SIDT1: variants seen among roughly 807,000 people sequenced by gnomAD.
The protein encoded by SIDT1 is SID1 transmembrane family, member 1.
Under a neutral mutation model 107.5 loss-of-function variants are expected in SIDT1, and 101 were observed. The ratio of observed to expected loss-of-function variants is 0.94; its 90% CI spans 0.80 to 1.11. The LOEUF (loss-of-function observed/expected upper bound fraction) is 1.11, where lower values mean the gene tolerates loss of function less well. SIDT1 is among the 50% of genes least tolerant of loss of function. The probability of loss-of-function intolerance (pLI) is 0.00; values close to 1 mark genes in which losing one functional copy is unlikely to be tolerated. For missense variants in SIDT1, 1,076 were observed against 1,058.2 expected (o/e 1.02, Z -0.23); for synonymous variants, 395 against 398.2 (o/e 0.99, Z 0.10).
intron 19 of SIDT1, among the ~76,000 whole-genome samples, chr3:113,614,768 G>A (rs569700607): frequency 2.1e-4 from 32 of 152,204 alleles, no homozygotes; most frequent in East Asian, 9.7e-4. Context: ...AGGACCTCAG[G>A]GATTTCTCAT....
intron 9 of SIDT1, among the ~76,000 whole-genome samples, chr3:113,587,720 G>A (rs1479150087): frequency 6.6e-6 from 1 of 152,164 alleles, no homozygotes. Context: ...GGAAATTGAG[G>A]CACAGAGGGA....
At position 113,545,384 on chromosome 3, in the gene SIDT1, C is replaced by G. The variant is rs533670921; in HGVS notation, c.222+12141C>G. Among the ~76,000 whole-genome samples, 109 of 152,234 alleles carry G rather than the reference C, an allele frequency of 7.2e-4. 1 individual carries two copies. In the Middle Eastern group the frequency reaches 0.02, roughly 29 times the overall value. The stretch of plus-strand genomic sequence containing the variant: ...TACTTATTTCTTTTATTTATATCAG[C>G]ATGGGCATATAGATTCTTATTTGAT... On this transcript the variant is annotated intron_variant, in intron 1 of 24. Coordinates refer to ENST00000264852, the MANE Select transcript of SIDT1 (RefSeq NM_017699.3).
At chr3:113,630,105 A>G (rs1270453159), downstream of SIDT1, among the ~76,000 whole-genome samples, 2 of 152,060 alleles carry the variant, frequency 1.3e-5, no homozygotes, top group Non-Finnish European at 2.9e-5. Context: ...CATGGACTTC[A>G]CTCTTTAAAA....
chr3:113,598,381 G>C (rs187933948), intron 10 of SIDT1, among the ~76,000 whole-genome samples: 63 of 152,278 alleles, frequency 4.1e-4, no homozygotes, highest in South Asian at 1.0e-3. Flanking sequence ...TACACACACA[G>C]ACAGAGAACA....
rs1437496191 is a variant in SIDT1 at position 113,533,045 on chromosome 3, G to A, written c.24G>A (p.Ala8=). MRGCLRL[A]LLCALPWLLL... ...CCATGCGCGGCTGCCTGCGGCTCGC[G>A]CTGCTCTGCGCGCTGCCCTGGCTCC... Residue 8 remains alanine (A), a synonymous_variant, in exon 1 of 25, where the codon GCG becomes GCA. Coordinates refer to ENST00000264852, the MANE Select transcript of SIDT1 (RefSeq NM_017699.3). 6 of 1,416,646 alleles carry A rather than the reference G, an allele frequency of 4.2e-6. No individual in the cohort carries two copies. The South Asian group carries it at 4.6e-5, about 11-fold the overall frequency. The allele number at this position is 1,416,646 out of a possible 1,614,324, so 87.8% of individuals were successfully genotyped here.
At chr3:113,623,332 C>A (rs1576993445) in intron 21 of SIDT1, 95 bp from the exon 22 acceptor site, 1 of 650,582 alleles carries the variant, frequency 1.5e-6, no homozygotes, top group Non-Finnish European at 2.7e-6. Flanking sequence ...AAAAAAGAAC[C>A]TGCCCCTTCC....
At position 113,543,974 on chromosome 3, in the gene SIDT1, C is replaced by T. The variant is rs542756714; in HGVS notation, c.222+10731C>T. Among the ~76,000 whole-genome samples the T allele has an allele frequency of 1.2e-3, 181 of 152,284 alleles. 1 individual carries two copies. The highest frequency in any genetic ancestry group is 4.3e-3 in the African/African-American group (179 of 41,556). On this transcript the variant is annotated intron_variant, in intron 1 of 24. Coordinates refer to ENST00000264852, the MANE Select transcript of SIDT1 (RefSeq NM_017699.3). ...GGCTTTTTCTTATATAGCCATTGAA[C>T]AGTTATCCAAATCACAAAATTAACC...
chr3:113,543,103 G>A (rs997189400), intron 1 of SIDT1, among the ~76,000 whole-genome samples: 3 of 152,000 alleles, frequency 2.0e-5, no homozygotes, highest in African/African-American at 7.3e-5. Context: ...ACCATGCCCA[G>A]CTAATTTTTG....
chr3:113,557,541 GT>G (rs760970802), intron 1 of SIDT1, among the ~76,000 whole-genome samples: 21 of 152,148 alleles, frequency 1.4e-4, no homozygotes, highest in South Asian at 6.2e-4. Flanking sequence ...GGGGCACCAT[GT>G]AACAACAGAG....
intron 14 of SIDT1, chr3:113,606,735 G>A (rs1198307997): frequency 1.2e-5 from 3 of 256,946 alleles, no homozygotes; most frequent in Admixed American, 4.9e-5. Flanking sequence ...AGGCCCCAAT[G>A]TTCGCATTCT....
Position 113,547,860 on chromosome 3 carries a change from C to T in SIDT1, c.222+14617C>T, listed in dbSNP as rs909940479. Among the ~76,000 whole-genome samples, 8 of 151,922 alleles carry T rather than the reference C, an allele frequency of 5.3e-5. No homozygotes were observed. The East Asian group carries it at 5.8e-4, about 11-fold the overall frequency. On this transcript the variant is annotated intron_variant, in intron 1 of 24. Transcript: ENST00000264852. Reference sequence around the variant, plus strand: ...TCAAGACTGGCCAGGGGTGCTAATACGTAATTATTAATAGTAAAGTATGAT... The same window carrying T: ...TCAAGACTGGCCAGGGGTGCTAATATGTAATTATTAATAGTAAAGTATGAT...
intron 10 of SIDT1, among the ~76,000 whole-genome samples, chr3:113,595,149 A>G (rs1447792048): frequency 6.6e-6 from 1 of 152,232 alleles, no homozygotes; most frequent in Non-Finnish European, 1.5e-5. Context: ...TCTCAAACTC[A>G]ATATTATTGA....
chr3:113,604,828 G>T, intron 13 of SIDT1, 82 bp from the exon 14 acceptor site: 1 of 1,501,530 alleles, frequency 6.7e-7, no homozygotes, highest in South Asian at 1.1e-5. Context: ...TTATGGGGTG[G>T]AAGCATTCTT....
chr3:113,535,147 G>A (rs760438531), intron 1 of SIDT1, among the ~76,000 whole-genome samples: 10 of 152,164 alleles, frequency 6.6e-5, no homozygotes, highest in African/African-American at 1.4e-4. Flanking sequence ...TGGCACATGC[G>A]CCTGTAGTCC....
rs77404973 is a variant in SIDT1, at chr3:113,576,766, T to C, written c.516-156T>C. On this transcript the variant is annotated intron_variant, in intron 3 of 24. Coordinates refer to ENST00000264852, the MANE Select transcript of SIDT1 (RefSeq NM_017699.3). ...CACCAAGTCCCCATGCAGTCTACTT[T>C]GTCAGTTTCACGGAACCGGAACTCC... 5.0e-3 allele frequency among the ~76,000 whole-genome samples: 763 copies of C among 152,374 alleles called. 6 individuals carry two copies. The highest frequency in any genetic ancestry group is 0.017 in the African/African-American group (725 of 41,590).
intron 1 of SIDT1, among the ~76,000 whole-genome samples, chr3:113,536,230 T>A (rs993615003): frequency 6.6e-5 from 10 of 152,216 alleles, no homozygotes; most frequent in African/African-American, 2.4e-4. Context: ...TCCCATGTTG[T>A]GCAATTTTTG....
intron 7 of SIDT1, 98 bp downstream of exon 7, chr3:113,583,594 G>T (rs1404626835): frequency 3.6e-6 from 3 of 832,960 alleles, no homozygotes; most frequent in Non-Finnish European, 5.5e-6. Context: ...ACTAAACAAG[G>T]GTTGGTTCCA....
At position 113,577,568 on chromosome 3, in the gene SIDT1, A is replaced by G. The variant is rs143446189; in HGVS notation, c.561+601A>G. Among the ~76,000 whole-genome samples, 210 of 152,348 alleles carry G rather than the reference A, an allele frequency of 1.4e-3. 4 individuals carry two copies. In the East Asian group the frequency reaches 0.032, roughly 23 times the overall value. ...CCATTAAACCATAACCACAAATAGA[A>G]TAAATACATGAAAACTTGGATTAAG... On this transcript the variant is annotated intron_variant, in intron 4 of 24. Transcript: ENST00000264852.
At chr3:113,555,749 T>G (rs1036145174) in intron 1 of SIDT1, among the ~76,000 whole-genome samples, 16 of 152,034 alleles carry the variant, frequency 1.1e-4, no homozygotes, top group Non-Finnish European at 2.1e-4. Flanking sequence ...TCCCAAGGAA[T>G]AAACTTCACT....
Sources: gnomAD v4.1 joint callset for allele counts (sites outside exome capture counted in the v4.1 genomes callset) on GRCh38, gnomAD v4.1.1 for gene constraint, MANE v1.5 for transcripts, NCBI Gene and HGNC (gene_info 2026-07-23, HGNC 2026-07-21) for gene names.